The following LRSAM1 variants were observed in gnomAD, a reference collection of about 807,000 sequenced individuals.
LRSAM1 encodes the protein E3 ubiquitin-protein ligase LRSAM1.
Under a neutral mutation model 118.1 loss-of-function variants are expected in LRSAM1, and 96 were observed. The ratio of observed to expected loss-of-function variants is 0.81; its 90% confidence interval spans 0.69 to 0.96. The LOEUF is 0.96. LRSAM1 is among the 40% of genes least tolerant of loss of function. The pLI, the probability that LRSAM1 is intolerant of heterozygous loss-of-function variation, is 0.00. For synonymous variants in LRSAM1, 322 were observed against 364.2 expected (o/e 0.88, Z 1.32); for missense variants, 804 against 915.5 (o/e 0.88, Z 1.57).
rs376468970 is a variant in LRSAM1, at chr9:127,489,501, C to T, written c.1405C>T (p.Arg469Trp). Reference protein sequence around the residue: ...ALQVKKDLMHRQIRSQIKLIE... With the variant: ...ALQVKKDLMHWQIRSQIKLIE... Reference sequence around the variant, plus strand: ...CCAGGTGAAGAAAGACCTGATGCATCGGCAGATCAGGAGCCAGGTGAGCGC... The same window carrying T: ...CCAGGTGAAGAAAGACCTGATGCATTGGCAGATCAGGAGCCAGGTGAGCGC... The change falls in exon 19 of 26, where the codon CGG becomes TGG. Residue 469 changes from arginine to tryptophan, a missense_variant. Physicochemically the swap from Arg to Trp is moderately radical, Grantham distance 101. Transcript: ENST00000300417. 4.2e-5 allele frequency: 68 copies of T among 1,608,862 alleles called. No homozygotes were observed. Among genetic ancestry groups the T allele is most frequent in the African/African-American group, 2.7e-4 (20 of 74,906 alleles).
chr9:127,471,130 A>G (rs1179896535), intron 10 of LRSAM1: 2 of 152,138 alleles, frequency 1.3e-5, no homozygotes, highest in East Asian at 1.9e-4. Flanking sequence ...GGTGATTCCA[A>G]TATACACCCT....
intron 10 of LRSAM1, among the ~76,000 whole-genome samples, chr9:127,470,382 A>T (rs904453925): frequency 2.6e-5 from 4 of 151,826 alleles, no homozygotes; most frequent in African/African-American, 9.7e-5. Context: ...TCTTGTGAGA[A>T]CTCACCCACC....
At chr9:127,499,922 T>C (rs1836311593) in intron 24 of LRSAM1, among the ~76,000 whole-genome samples, 1 of 145,954 alleles carries the variant, frequency 6.9e-6, no homozygotes, top group South Asian at 2.2e-4. Flanking sequence ...AGACTCCATC[T>C]CAAAAAAAAA....
At chr9:127,500,966 A>G in intron 24 of LRSAM1, 44 bp from the exon 25 acceptor site, 1 of 1,613,392 alleles carries the variant, frequency 6.2e-7, no homozygotes, top group Non-Finnish European at 8.5e-7. Flanking sequence ...GGTTAGGGTC[A>G]GCGGAGATGA....
chr9:127,485,979 G>A (rs113393396), intron 17 of LRSAM1, 144 bp downstream of exon 17: 27 of 729,950 alleles, frequency 3.7e-5, no homozygotes, highest in African/African-American at 1.9e-4. Flanking sequence ...AGTGATGGCT[G>A]CTCTTCCTGA....
intron 24 of LRSAM1, among the ~76,000 whole-genome samples, chr9:127,497,703 G>A (rs567241861): frequency 6.6e-6 from 1 of 152,214 alleles, no homozygotes; most frequent in Non-Finnish European, 1.5e-5. Flanking sequence ...CCAATGCTGG[G>A]CCTGAGGCAT....
Position 127,455,621 on chromosome 9 carries a change from G to A in LRSAM1, c.174+1G>A, listed in dbSNP as rs779022904. ...AACATGCAAAGTTCTGCAGAAGAAG[G>A]TAAGATGGAGCTTCATCTTCAGAGA... On this transcript the variant is annotated splice_donor_variant, in intron 5 of 25. Coordinates refer to ENST00000300417, the MANE Select transcript of LRSAM1 (RefSeq NM_001005373.4). LOFTEE classifies it high-confidence loss of function. 7 of 1,614,038 alleles carry A rather than the reference G, an allele frequency of 4.3e-6. No homozygotes were observed. Among genetic ancestry groups the A allele is most frequent in the Non-Finnish European group, 5.9e-6 (7 of 1,179,922 alleles).
chr9:127,485,629 C>A (rs1835702262), intron 16 of LRSAM1, 107 bp from the exon 17 acceptor site: 2 of 967,254 alleles, frequency 2.1e-6, no homozygotes, highest in African/African-American at 1.6e-5. Context: ...CCAGGTGAGG[C>A]CTCAAGGCCT....
intron 15 of LRSAM1, 60 bp from the exon 16 acceptor site, chr9:127,482,887 TCTG>T: frequency 6.8e-7 from 1 of 1,475,724 alleles, no homozygotes; most frequent in South Asian, 1.2e-5. Context: ...GTGGTGTTCA[TCTG>T]CTGGGATTCC....
At chr9:127,457,668 G>A (rs986516483) in intron 6 of LRSAM1, among the ~76,000 whole-genome samples, 1 of 152,226 alleles carries the variant, frequency 6.6e-6, no homozygotes, top group Non-Finnish European at 1.5e-5. Flanking sequence ...AGCAGAGGGC[G>A]AGGAGACTGA....
chr9:127,458,382 T>C (rs2265685), intron 6 of LRSAM1, among the ~76,000 whole-genome samples: 147,264 of 147,882 alleles, frequency 1, 73,333 homozygotes, highest in Middle Eastern at 1. Context: ...GAGCGAGACT[T>C]CGTCTCAAAA....
chr9:127,501,187 A>ATG, intron 25 of LRSAM1, 44 bp downstream of exon 25: 2 of 1,603,736 alleles, frequency 1.2e-6, no homozygotes, highest in Non-Finnish European at 1.7e-6. Context: ...GCCTGTGGCC[A>ATG]CCCTCCTCAA....
chr9:127,496,696 G>C (rs140312054), intron 23 of LRSAM1, among the ~76,000 whole-genome samples: 1 of 152,254 alleles, frequency 6.6e-6, no homozygotes, highest in East Asian at 1.9e-4. Context: ...AGCAGAGTGA[G>C]GTCTCCACCC....
chr9:127,479,700 A>C, intron 13 of LRSAM1, 139 bp from the exon 14 acceptor site: 2 of 1,348,746 alleles, frequency 1.5e-6, no homozygotes, highest in Non-Finnish European at 2.0e-6. Context: ...ACTGTAGCCT[A>C]CTGGGAGGAG....
intron 25 of LRSAM1, 38 bp from the exon 26 acceptor site, chr9:127,502,736 G>A (rs770331997): frequency 1.8e-5 from 29 of 1,602,982 alleles, no homozygotes; most frequent in African/African-American, 1.4e-4. Flanking sequence ...CCTGGAACCC[G>A]GTAGGGCCAG....
intron 18 of LRSAM1, among the ~76,000 whole-genome samples, chr9:127,489,149 C>G (rs117357538): frequency 6.6e-6 from 1 of 152,290 alleles, no homozygotes; most frequent in East Asian, 1.9e-4. Context: ...GCCGCTGATT[C>G]ATGCCTCTGA....
chr9:127,482,206 G>T (rs1009402882), intron 15 of LRSAM1, among the ~76,000 whole-genome samples: 1 of 143,664 alleles, frequency 7.0e-6, no homozygotes, highest in African/African-American at 2.6e-5. Flanking sequence ...GCAGTGGCAC[G>T]ATCTCGGCTC....
intron 16 of LRSAM1, among the ~76,000 whole-genome samples, chr9:127,484,810 C>CTTTTTTTTT (rs1376461812): frequency 7.4e-6 from 1 of 135,184 alleles, no homozygotes. Context: ...TTCTTTTTTT[C>CTTTTTTTTT]TTTTTTTTTT....
At chr9:127,494,885 A>G (rs1307798960) in intron 21 of LRSAM1, among the ~76,000 whole-genome samples, 2 of 152,190 alleles carry the variant, frequency 1.3e-5, no homozygotes, top group African/African-American at 4.8e-5. Flanking sequence ...TCAAAAATAA[A>G]ATAAAAGTAC....
Sources: gnomAD v4.1 joint callset for allele counts (sites outside exome capture counted in the v4.1 genomes callset) on GRCh38, gnomAD v4.1.1 for gene constraint, MANE v1.5 for transcripts, NCBI Gene and HGNC (gene_info 2026-07-23, HGNC 2026-07-21) for gene names.